The following MRPL24 variants were observed in gnomAD, a reference collection of about 807,000 sequenced individuals.
MRPL24 encodes mitochondrial ribosomal protein L24.
Under a neutral mutation model 26.9 loss-of-function variants are expected in MRPL24, and 15 were observed. The observed-to-expected ratio is 0.56, with a 90% CI of 0.37 to 0.86. MRPL24 has a LOEUF of 0.86. Among genes scored for constraint, MRPL24 ranks in the 40% least tolerant of loss-of-function variants. MRPL24 has a pLI of 0.00. For missense variants in MRPL24, 241 were observed against 281.4 expected (o/e 0.86, Z 1.03); for synonymous variants, 92 against 102.4 (o/e 0.90, Z 0.62).
chr1:156,738,485 G>T (rs752559095), intron 2 of MRPL24, 37 bp downstream of exon 2: 62 of 1,613,872 alleles, frequency 3.8e-5, no homozygotes, highest in South Asian at 3.2e-4. Flanking sequence ...TGCCCAGGAG[G>T]TTCCCCATCA....
intron 3 of MRPL24, 102 bp downstream of exon 3, chr1:156,738,241 G>A: frequency 3.3e-6 from 5 of 1,516,010 alleles, no homozygotes; most frequent in Admixed American, 3.3e-5. Context: ...CAGTAATGCC[G>A]CCATCCCCTC....
chr1:156,740,294 C>T (rs1212185884), intron 1 of MRPL24: 3 of 152,036 alleles, frequency 2.0e-5, no homozygotes, highest in Admixed American at 6.6e-5. Context: ...GATACTGGCT[C>T]ATTTTTCTTC....
At chr1:156,738,299 T>C in intron 3 of MRPL24, 44 bp downstream of exon 3, 1 of 1,589,978 alleles carries the variant, frequency 6.3e-7, no homozygotes, top group Middle Eastern at 1.7e-4. Context: ...GAGGGACAGA[T>C]GAGACAGGCT....
rs773452357 is a variant in MRPL24, at chr1:156,737,806, A to G, written c.384-30T>C. 9 of 1,610,152 alleles carry G rather than the reference A, an allele frequency of 5.6e-6. No individual in the cohort carries two copies. In the Admixed American group the frequency reaches 1.5e-4, roughly 27 times the overall value. On this transcript the variant is annotated intron_variant, in intron 4 of 5. Coordinates refer to ENST00000361531, the MANE Select transcript of MRPL24 (RefSeq NM_145729.3). ...TGGATAGAAGAGGTGAGCCTGGCCT[A>G]CGAGCCAGGCTTCCTGCCACCCTCC... is the stretch of plus-strand genomic sequence containing the variant.
upstream of MRPL24, among the ~76,000 whole-genome samples, chr1:156,741,872 T>TA (rs1558028703): frequency 2.2e-4 from 34 of 152,142 alleles, no homozygotes; most frequent in African/African-American, 8.2e-4. Flanking sequence ...AAACCCTTTT[T>TA]TAAAAAAAAC....
At position 156,738,646 on chromosome 1, in the gene MRPL24, C is replaced by T. The variant is rs374508823; in HGVS notation, c.59G>A (p.Arg20His). Residue 20 changes from arginine (R) to histidine (H), a missense_variant, in exon 2 of 6, where the codon CGC becomes CAC. Transcript: ENST00000361531. ...ASKVTLPPHYRYGMSPPGSVA... is the reference protein window; with the variant it reads ...ASKVTLPPHYHYGMSPPGSVA... The stretch of plus-strand genomic sequence containing the variant: ...AGAGCCTGGGGGGCTCATCCCATAG[C>T]GGTAATGGGGGGGCAGAGTGACCTT... 14 of 1,606,298 alleles carry T rather than the reference C, an allele frequency of 8.7e-6. No individual in the cohort carries two copies. The highest frequency in any genetic ancestry group is 2.7e-5 in the African/African-American group (2 of 74,204).
chr1:156,737,576 C>T lies in MRPL24; in HGVS notation c.515-42G>A, dbSNP rs200870577. ...AACTTAGATGGGTGGGAGGGCTTGC[C>T]AACTTTCATTAATGTCCCCTACTCT... On this transcript the variant is annotated intron_variant, in intron 5 of 5. Coordinates refer to ENST00000361531, the MANE Select transcript of MRPL24 (RefSeq NM_145729.3). 4.4e-5 allele frequency: 71 copies of T among 1,604,348 alleles called. No homozygotes were observed. In the African/African-American group the frequency reaches 5.5e-4, roughly 12 times the overall value.
At chr1:156,741,959 G>A (rs1399089165), upstream of MRPL24, 1 of 152,438 alleles carries the variant, frequency 6.6e-6, no homozygotes, top group Non-Finnish European at 1.5e-5. Context: ...CTGCCCACAA[G>A]AAGTTTGGAT....
At chr1:156,739,366 T>C (rs1045731007) in intron 1 of MRPL24, among the ~76,000 whole-genome samples, 4 of 152,168 alleles carry the variant, frequency 2.6e-5, no homozygotes, top group Non-Finnish European at 5.9e-5. Flanking sequence ...CGATTCTCAA[T>C]TAATGAGGTG....
intron 1 of MRPL24, 49 bp from the exon 2 acceptor site, chr1:156,738,813 T>C (rs1050245201): frequency 9.9e-7 from 1 of 1,009,058 alleles, no homozygotes; most frequent in African/African-American, 1.6e-5. Flanking sequence ...GAAGGAACAT[T>C]TTTTAAAGCA....
upstream of MRPL24, chr1:156,742,507 G>A (rs566809290): frequency 4.6e-5 from 7 of 152,704 alleles, no homozygotes; most frequent in East Asian, 5.8e-4. Context: ...AGCACACAAA[G>A]GGTTAGGGGT....
chr1:156,738,568 A>G lies in MRPL24; in HGVS notation c.137T>C (p.Val46Ala). 6.2e-7 allele frequency: 1 copy of G among 1,614,108 alleles called. No homozygotes were observed. Among genetic ancestry groups the G allele is most frequent in the Non-Finnish European group, 8.5e-7 (1 of 1,180,004 alleles). ...PPWIRRRPVV[V>A]EPISDEDWYL... ...CCAGTCTTCATCAGAGATGGGTTCC[A>G]CAACCACTGGGCGCCGCCTGATCCA... The change falls in exon 2 of 6, where the codon GTG becomes GCG. Residue 46 changes from valine (V) to alanine (A), a missense_variant. By Grantham distance (64) the Val-to-Ala change is moderately conservative. Coordinates refer to ENST00000361531, the MANE Select transcript of MRPL24 (RefSeq NM_145729.3).
chr1:156,738,215 T>A lies in MRPL24; in HGVS notation c.280-81A>T, dbSNP rs1215321894. 5 of 1,557,730 alleles carry A rather than the reference T, an allele frequency of 3.2e-6. No homozygotes were observed. The African/African-American group carries it at 4.1e-5, about 13-fold the overall frequency. On this transcript the variant is annotated intron_variant, in intron 3 of 5. Transcript: ENST00000361531. ...GCTACTCGGCGCATTCAGCCCAAGT[T>A]GAAAAGTAGAAGGTTCAGTAATGCC...
intron 1 of MRPL24, 72 bp from the exon 2 acceptor site, chr1:156,738,836 C>G (rs946766511): frequency 4.0e-5 from 28 of 697,494 alleles, no homozygotes; most frequent in Non-Finnish European, 6.4e-5. Flanking sequence ...TACTCTATTG[C>G]TCAATGGACC....
At chr1:156,741,210 G>A (rs557400986), upstream of MRPL24, 3 of 152,348 alleles carry the variant, frequency 2.0e-5, no homozygotes, top group East Asian at 3.9e-4. Context: ...GTAGTCCGCC[G>A]CTAGAAAGCT....
chr1:156,737,961 C>T lies in MRPL24; in HGVS notation c.383+70G>A, dbSNP rs886285054. Reference sequence around the variant, plus strand: ...TTAATTTCCAGAGCATCCAACCCACCATTCCCATTGGACAGCACTTTTTGG... The same window carrying T: ...TTAATTTCCAGAGCATCCAACCCACTATTCCCATTGGACAGCACTTTTTGG... On this transcript the variant is annotated intron_variant, in intron 4 of 5. Transcript: ENST00000361531. 163 of 1,505,842 alleles carry T rather than the reference C, an allele frequency of 1.1e-4. 1 individual carries two copies. Among genetic ancestry groups the T allele is most frequent in the Non-Finnish European group, 8.2e-6 (9 of 1,091,504 alleles). 93.3% of individuals were successfully genotyped at this position (1,505,842 alleles called of 1,614,324 possible). A position where few individuals can be genotyped will look rare whatever the true frequency, so the allele number is the denominator to read the frequency against.
chr1:156,737,363 GA>G lies in MRPL24; in HGVS notation c.*34del, dbSNP rs764675209. ...GAAGTGCCTCAGCCTTCAAGGCTGG[GA>G]CAGAAGTTGGGGAGGAGCTGCTCTG... On this transcript the variant is annotated 3_prime_UTR_variant, in exon 6 of 6. Transcript: ENST00000361531. 4 of 1,534,570 alleles carry G rather than the reference GA, an allele frequency of 2.6e-6. No individual in the cohort carries two copies. The highest frequency in any genetic ancestry group is 2.2e-5 in the Admixed American group (1 of 45,016).
chr1:156,740,110 A>G (rs529840636), intron 1 of MRPL24, among the ~76,000 whole-genome samples: 7 of 152,208 alleles, frequency 4.6e-5, no homozygotes, highest in Admixed American at 1.3e-4. Context: ...ATACAAATAT[A>G]TATTCCAGCA....
At position 156,737,778 on chromosome 1, in the gene MRPL24, TG is replaced by T; in HGVS notation, c.384-3del. 1 of 1,614,132 alleles carries T rather than the reference TG, an allele frequency of 6.2e-7. No individual in the cohort carries two copies. Among genetic ancestry groups the T allele is most frequent in the African/African-American group, 1.3e-5 (1 of 75,058 alleles). On this transcript the variant is annotated splice_polypyrimidine_tract_variant and splice_region_variant and intron_variant, in intron 4 of 5. Coordinates refer to ENST00000361531, the MANE Select transcript of MRPL24 (RefSeq NM_145729.3). ...CTCCACTCGATCTCAGTGGGTTTCCTGGTGGATAGAAGAGGTGAGCCTGGCC... is the reference window on the plus strand; with the variant it reads ...CTCCACTCGATCTCAGTGGGTTTCCTGTGGATAGAAGAGGTGAGCCTGGCC...
Sources: gnomAD v4.1 joint callset for allele counts (sites outside exome capture counted in the v4.1 genomes callset) on GRCh38, gnomAD v4.1.1 for gene constraint, MANE v1.5 for transcripts, NCBI Gene and HGNC (gene_info 2026-07-23, HGNC 2026-07-21) for gene names.